The following SH3RF3 variants were observed in gnomAD, a reference collection of about 807,000 sequenced individuals.
SH3RF3 encodes SH3 domain containing ring finger 3, also known as E3 ubiquitin-protein ligase SH3RF3.
SH3RF3 carries 29 observed loss-of-function variants against 66.3 expected under a neutral mutation model. The ratio of observed to expected loss-of-function variants is 0.44; its 90% CI spans 0.33 to 0.60. The LOEUF is 0.60. Among genes scored for constraint, SH3RF3 ranks in the 20% least tolerant of loss-of-function variants. The pLI, the probability that SH3RF3 is intolerant of heterozygous loss-of-function variation, is 0.04. For synonymous variants in SH3RF3, 583 were observed against 532.0 expected, an observed-to-expected ratio of 1.10 and a Z score of -1.32; for missense variants, 1,194 against 1,190.9, an observed-to-expected ratio of 1.00 and a Z score of -0.04.
At chr2:109,305,997 T>C (rs1427244341) in intron 1 of SH3RF3, among the ~76,000 whole-genome samples, 2 of 152,202 alleles carry the variant, frequency 1.3e-5, no homozygotes, top group Non-Finnish European at 2.9e-5. Flanking sequence ...GATCTGGGCA[T>C]TACAGAGCTA....
At chr2:109,379,999 T>C (rs1683477358) in intron 3 of SH3RF3, among the ~76,000 whole-genome samples, 1 of 152,104 alleles carries the variant, frequency 6.6e-6, no homozygotes, top group African/African-American at 2.4e-5. Flanking sequence ...TTCAATTGGA[T>C]TAACGACATA....
At position 109,132,661 on chromosome 2, in the gene SH3RF3, T is replaced by C. The variant is rs191153730; in HGVS notation, c.573+2548T>C. Among the ~76,000 whole-genome samples, 444 of 152,372 alleles carry C rather than the reference T, an allele frequency of 2.9e-3. 4 individuals carry two copies. Among genetic ancestry groups the C allele is most frequent in the Middle Eastern group, 0.01 (3 of 294 alleles). ...TGTTGCTTCTTAAAGTGTGTTCATA[T>C]GTGTTACTTCTTGAAGTGACCTTTA... On this transcript the variant is annotated intron_variant, in intron 1 of 9. Transcript: ENST00000309415.
chr2:109,475,324 CA>C (rs1393932110), intron 8 of SH3RF3, among the ~76,000 whole-genome samples: 1 of 152,224 alleles, frequency 6.6e-6, no homozygotes, highest in Non-Finnish European at 1.5e-5. Context: ...TTGTGTCTGC[CA>C]AATGGATTCT....
At chr2:109,225,815 C>T (rs1255584879) in intron 1 of SH3RF3, among the ~76,000 whole-genome samples, 2 of 152,204 alleles carry the variant, frequency 1.3e-5, no homozygotes, top group East Asian at 3.9e-4. Context: ...GCCCGGGCTG[C>T]ACTGCAGAAG....
intron 1 of SH3RF3, among the ~76,000 whole-genome samples, chr2:109,209,542 C>A (rs1425915292): frequency 1.3e-5 from 2 of 152,098 alleles, no homozygotes; most frequent in African/African-American, 2.4e-5. Context: ...AGTGTGTTAT[C>A]TGAGGAAAGT....
At chr2:109,144,238 T>C (rs942625816) in intron 1 of SH3RF3, among the ~76,000 whole-genome samples, 7 of 152,282 alleles carry the variant, frequency 4.6e-5, no homozygotes, top group Non-Finnish European at 7.3e-5. Flanking sequence ...GTGATAGATA[T>C]ATATTAACTG....
At chr2:109,272,382 T>C (rs1289224643) in intron 1 of SH3RF3, among the ~76,000 whole-genome samples, 1 of 152,236 alleles carries the variant, frequency 6.6e-6, no homozygotes, top group Non-Finnish European at 1.5e-5. Flanking sequence ...GAAGCAGGAC[T>C]GTGCAGGCAC....
intron 1 of SH3RF3, among the ~76,000 whole-genome samples, chr2:109,240,805 C>A (rs1679760205): frequency 6.6e-6 from 1 of 152,038 alleles, no homozygotes; most frequent in Non-Finnish European, 1.5e-5. Context: ...TTTCTCTTCT[C>A]TTCTAAGGTT....
At chr2:109,358,467 A>G (rs1275533985) in intron 2 of SH3RF3, among the ~76,000 whole-genome samples, 1 of 152,220 alleles carries the variant, frequency 6.6e-6, no homozygotes, top group Non-Finnish European at 1.5e-5. Context: ...TTTGTAAGAA[A>G]TTTCCAAACT....
chr2:109,159,317 C>T (rs1456614062), intron 1 of SH3RF3, among the ~76,000 whole-genome samples: 2 of 152,206 alleles, frequency 1.3e-5, no homozygotes, highest in Non-Finnish European at 2.9e-5. Flanking sequence ...GCGGTTTCCT[C>T]GTCCTGCCGA....
At chr2:109,479,942 A>G (rs566728729) in intron 8 of SH3RF3, among the ~76,000 whole-genome samples, 1 of 152,198 alleles carries the variant, frequency 6.6e-6, no homozygotes, top group Non-Finnish European at 1.5e-5. Context: ...GGTTTTGCTG[A>G]CAGCCCCTCT....
At chr2:109,467,167 C>T (rs1358504913) in intron 8 of SH3RF3, among the ~76,000 whole-genome samples, 1 of 152,240 alleles carries the variant, frequency 6.6e-6, no homozygotes, top group African/African-American at 2.4e-5. Flanking sequence ...CACAGGCCTA[C>T]ACAAAGGCTC....
intron 1 of SH3RF3, among the ~76,000 whole-genome samples, chr2:109,310,595 C>A (rs1681702113): frequency 1.2e-5 from 1 of 82,012 alleles, no homozygotes; most frequent in Non-Finnish European, 2.1e-5. Context: ...AGACCACTAG[C>A]AAGACTAATA....
At chr2:109,141,175 T>C (rs1340095693) in intron 1 of SH3RF3, among the ~76,000 whole-genome samples, 1 of 152,192 alleles carries the variant, frequency 6.6e-6, no homozygotes, top group Non-Finnish European at 1.5e-5. Context: ...ATTCCTCTCT[T>C]TTGTCTCCCT....
intron 1 of SH3RF3, among the ~76,000 whole-genome samples, chr2:109,240,286 G>A (rs1679747047): frequency 6.6e-6 from 1 of 152,132 alleles, no homozygotes; most frequent in Admixed American, 6.5e-5. Context: ...GATCACTTGA[G>A]GTCGGGAGTC....
chr2:109,150,790 C>T (rs1677209145), intron 1 of SH3RF3, among the ~76,000 whole-genome samples: 1 of 152,104 alleles, frequency 6.6e-6, no homozygotes, highest in African/African-American at 2.4e-5. Context: ...ACACTGTTAC[C>T]TCCTTATCAG....
At chr2:109,430,482 C>G (rs539485190) in intron 5 of SH3RF3, among the ~76,000 whole-genome samples, 1 of 151,892 alleles carries the variant, frequency 6.6e-6, no homozygotes, top group Admixed American at 6.6e-5. Context: ...TTCCTCTGTC[C>G]TCTCCCCGTC....
chr2:109,419,763 GT>G, intron 5 of SH3RF3, 121 bp downstream of exon 5: 2 of 867,312 alleles, frequency 2.3e-6, no homozygotes, highest in Non-Finnish European at 3.5e-6. Context: ...GGCCAGTATA[GT>G]TATGTGCGTC....
chr2:109,243,156 G>A (rs1679827784), intron 1 of SH3RF3, among the ~76,000 whole-genome samples: 1 of 152,258 alleles, frequency 6.6e-6, no homozygotes, highest in Admixed American at 6.5e-5. Flanking sequence ...GCCTTGTGCA[G>A]GTGTCTTGTA....
Sources: allele counts gnomAD v4.1 joint callset (sites outside exome capture counted in the v4.1 genomes callset), GRCh38; gene constraint gnomAD v4.1.1; transcripts MANE v1.5; gene names NCBI Gene and HGNC (gene_info 2026-07-23, HGNC 2026-07-21).